Variants in ITFG1 observed in about 807,000 individuals in gnomAD.
The protein encoded by ITFG1 is T-cell immunomodulatory protein.
A neutral mutation model predicts 81.8 loss-of-function variants in ITFG1; 34 were observed. The ratio of observed to expected loss-of-function variants is 0.42; its 90% CI spans 0.32 to 0.55. The LOEUF (loss-of-function observed/expected upper bound fraction) is 0.55, where lower values mean the gene tolerates loss of function less well. Ranked by LOEUF, ITFG1 falls within the 20% of genes least tolerant of loss-of-function variation. The probability of loss-of-function intolerance (pLI) is 0.17; values close to 1 mark genes in which losing one functional copy is unlikely to be tolerated. For synonymous variants in ITFG1, 285 were observed against 270.6 expected, an observed-to-expected ratio of 1.05 and a Z score of -0.52; for missense variants, 672 against 755.4, an observed-to-expected ratio of 0.89 and a Z score of 1.29.
intron 14 of ITFG1, among the ~76,000 whole-genome samples, chr16:47,213,561 T>C (rs1266405706): frequency 6.6e-6 from 1 of 152,194 alleles, no homozygotes; most frequent in East Asian, 1.9e-4. Context: ...TTTGGCTTCA[T>C]ACATTTTGCA....
chr16:47,373,292 T>C (rs902431869), intron 7 of ITFG1, among the ~76,000 whole-genome samples: 1 of 152,172 alleles, frequency 6.6e-6, no homozygotes, highest in African/African-American at 2.4e-5. Context: ...ATCTTTTTTT[T>C]TCCTTTTGAG....
At chr16:47,347,162 G>A (rs554660563) in intron 8 of ITFG1, among the ~76,000 whole-genome samples, 5 of 152,322 alleles carry the variant, frequency 3.3e-5, no homozygotes, top group South Asian at 2.1e-4. Flanking sequence ...CTCAGGTACC[G>A]GGTTCATCTC....
intron 10 of ITFG1, among the ~76,000 whole-genome samples, chr16:47,280,661 T>G (rs1474990688): frequency 6.6e-6 from 1 of 152,146 alleles, no homozygotes; most frequent in Non-Finnish European, 1.5e-5. Flanking sequence ...ATCTTGAGTT[T>G]ATGCTAAGGC....
chr16:47,427,409 C>A (rs911513469), intron 6 of ITFG1, among the ~76,000 whole-genome samples: 2 of 152,202 alleles, frequency 1.3e-5, no homozygotes, highest in African/African-American at 2.4e-5. Context: ...GTAATCCCAG[C>A]CCTTTGGGAG....
At position 47,260,590 on chromosome 16, in the gene ITFG1, T is replaced by C. The variant is rs1174122354; in HGVS notation, c.1176A>G (p.Gln392=). ...KVYWELTDLN[Q]IKDAMVATFF... is the part of the protein sequence containing the mutation. ...AGGTGGCAACCATGGCATCCTTAATTTGATTTAGGTCTGTCAGCTCCCAGT... is the reference window on the plus strand; with the variant it reads ...AGGTGGCAACCATGGCATCCTTAATCTGATTTAGGTCTGTCAGCTCCCAGT... Residue 392 remains glutamine, a synonymous_variant, in exon 11 of 18, where the codon CAA becomes CAG. Coordinates refer to ENST00000320640, the MANE Select transcript of ITFG1 (RefSeq NM_030790.5). 6.2e-7 allele frequency: 1 copy of C among 1,614,034 alleles called. No homozygotes were observed. The highest frequency in any genetic ancestry group is 8.5e-7 in the Non-Finnish European group (1 of 1,180,024).
intron 5 of ITFG1, among the ~76,000 whole-genome samples, chr16:47,437,841 C>G (rs1284114280): frequency 1.3e-5 from 2 of 152,222 alleles, no homozygotes; most frequent in Admixed American, 6.5e-5. Flanking sequence ...GAATGCCGGA[C>G]AGTGGGTGCA....
chr16:47,281,984 C>T (rs965050841), intron 10 of ITFG1, among the ~76,000 whole-genome samples: 2 of 151,886 alleles, frequency 1.3e-5, no homozygotes, highest in East Asian at 3.9e-4. Context: ...TAAATAATTT[C>T]TCATCCCTCA....
intron 2 of ITFG1, among the ~76,000 whole-genome samples, chr16:47,458,399 T>C (rs1268384644): frequency 3.3e-5 from 5 of 152,190 alleles, no homozygotes; most frequent in Non-Finnish European, 7.4e-5. Context: ...TTTTTATTTA[T>C]ACTAAGGTCA....
chr16:47,328,589 A>G (rs2151572540), intron 8 of ITFG1, among the ~76,000 whole-genome samples: 1 of 152,254 alleles, frequency 6.6e-6, no homozygotes, highest in Non-Finnish European at 1.5e-5. Context: ...GAAGAAAAAT[A>G]CTTAGTATAT....
chr16:47,303,983 A>G (rs183985473), intron 10 of ITFG1, among the ~76,000 whole-genome samples: 2 of 152,296 alleles, frequency 1.3e-5, no homozygotes, highest in Non-Finnish European at 2.9e-5. Context: ...TACTTAAATT[A>G]GTCTGATCGG....
chr16:47,187,326 A>G (rs934278163), intron 14 of ITFG1, among the ~76,000 whole-genome samples: 2 of 152,214 alleles, frequency 1.3e-5, no homozygotes, highest in Non-Finnish European at 2.9e-5. Flanking sequence ...CCAAAAGAAC[A>G]AAGCTGGAGG....
At chr16:47,450,496 T>C in intron 5 of ITFG1, 1 of 352,450 alleles carries the variant, frequency 2.8e-6, no homozygotes, top group Non-Finnish European at 5.4e-6. Context: ...AAGTGTCTCT[T>C]CAGAATACCT....
chr16:47,406,750 G>C (rs944340971), intron 6 of ITFG1, among the ~76,000 whole-genome samples: 1 of 152,148 alleles, frequency 6.6e-6, no homozygotes, highest in East Asian at 1.9e-4. Context: ...GAAGGGTAAG[G>C]GCAAAGGAGA....
chr16:47,415,937 T>C (rs1033856578), intron 6 of ITFG1, among the ~76,000 whole-genome samples: 5 of 151,920 alleles, frequency 3.3e-5, no homozygotes, highest in African/African-American at 1.2e-4. Flanking sequence ...CTACTAAAAA[T>C]ACAAAAATTA....
intron 1 of ITFG1, among the ~76,000 whole-genome samples, chr16:47,459,740 T>C (rs554914818): frequency 8.8e-4 from 134 of 152,314 alleles, no homozygotes; most frequent in African/African-American, 3.1e-3. Context: ...AGACAGACTT[T>C]TGGAATTGTT....
At chr16:47,253,912 T>C (rs1966109798) in intron 12 of ITFG1, among the ~76,000 whole-genome samples, 1 of 152,088 alleles carries the variant, frequency 6.6e-6, no homozygotes, top group Admixed American at 6.6e-5. Context: ...ACCCCTGCGT[T>C]AGGGTGTGCT....
At chr16:47,212,921 CTTAT>C (rs1364603389) in intron 14 of ITFG1, among the ~76,000 whole-genome samples, 1 of 151,902 alleles carries the variant, frequency 6.6e-6, no homozygotes, top group African/African-American at 2.4e-5. Flanking sequence ...AACTTCTGCT[CTTAT>C]TTATTTCCTT....
intron 10 of ITFG1, among the ~76,000 whole-genome samples, chr16:47,276,086 A>T (rs942761649): frequency 6.6e-6 from 1 of 152,104 alleles, no homozygotes; most frequent in Admixed American, 6.5e-5. Context: ...AAGAAAGAAG[A>T]GATACAATAC....
At chr16:47,394,504 A>G (rs1968570644) in intron 6 of ITFG1, among the ~76,000 whole-genome samples, 1 of 152,238 alleles carries the variant, frequency 6.6e-6, no homozygotes. Context: ...AAAAACACAA[A>G]CACACACTGT....
Sources: gnomAD v4.1 joint callset for allele counts (sites outside exome capture counted in the v4.1 genomes callset) on GRCh38, gnomAD v4.1.1 for gene constraint, MANE v1.5 for transcripts, NCBI Gene and HGNC (gene_info 2026-07-23, HGNC 2026-07-21) for gene names.